ITGBL1: variants seen among roughly 807,000 people sequenced by gnomAD.
ITGBL1 encodes the protein integrin beta-like protein 1.
Under a neutral mutation model 68.5 loss-of-function variants are expected in ITGBL1, and 51 were observed. The observed-to-expected ratio is 0.74, with a 90% CI of 0.59 to 0.94. ITGBL1 has a LOEUF of 0.94. ITGBL1 is among the 40% of genes least tolerant of loss of function. ITGBL1 has a pLI of 0.00. For synonymous variants in ITGBL1, 209 were observed against 227.3 expected, an observed-to-expected ratio of 0.92 and a Z score of 0.72; for missense variants, 649 against 647.4, an observed-to-expected ratio of 1.00 and a Z score of -0.03.
intron 6 of ITGBL1, among the ~76,000 whole-genome samples, chr13:101,593,012 A>C (rs193029051): frequency 5.2e-4 from 79 of 152,254 alleles, no homozygotes; most frequent in Admixed American, 1.6e-3. Context: ...GTTGCAAACT[A>C]TATATCTGAC....
intron 7 of ITGBL1, among the ~76,000 whole-genome samples, chr13:101,631,589 G>A (rs1365389958): frequency 6.6e-6 from 1 of 152,124 alleles, no homozygotes; most frequent in Non-Finnish European, 1.5e-5. Flanking sequence ...ACTAAAAGAT[G>A]TCAAATGAGC....
chr13:101,628,796 T>G (rs966856796), intron 7 of ITGBL1, among the ~76,000 whole-genome samples: 14 of 151,844 alleles, frequency 9.2e-5, no homozygotes, highest in African/African-American at 2.9e-4. Flanking sequence ...ATATCTCTAT[T>G]TTTCATAAAT....
At chr13:101,588,066 A>C (rs1199593439) in intron 6 of ITGBL1, among the ~76,000 whole-genome samples, 1 of 152,230 alleles carries the variant, frequency 6.6e-6, no homozygotes, top group Admixed American at 6.5e-5. Context: ...TGGAGTTTGG[A>C]TAGCATAACT....
chr13:101,543,916 G>A (rs1006490842), intron 2 of ITGBL1, among the ~76,000 whole-genome samples: 1 of 152,142 alleles, frequency 6.6e-6, no homozygotes, highest in African/African-American at 2.4e-5. Flanking sequence ...GGTCCTTTAA[G>A]GACTTCTCTG....
At chr13:101,719,400 C>T (rs2139638452), downstream of ITGBL1, 1 of 151,810 alleles carries the variant, frequency 6.6e-6, no homozygotes, top group Admixed American at 6.6e-5. Context: ...CACTGCTACC[C>T]AAAAACATTC....
At chr13:101,503,636 G>A (rs1047813676) in intron 2 of ITGBL1, among the ~76,000 whole-genome samples, 25 of 152,208 alleles carry the variant, frequency 1.6e-4, no homozygotes, top group South Asian at 8.3e-4. Context: ...TACACCCTGA[G>A]TTTCCCGAAA....
intron 2 of ITGBL1, among the ~76,000 whole-genome samples, chr13:101,497,527 G>A (rs2048874117): frequency 6.6e-6 from 1 of 152,198 alleles, no homozygotes; most frequent in Admixed American, 6.5e-5. Flanking sequence ...GTAAACCATG[G>A]AGGCAGAGTC....
intron 2 of ITGBL1, among the ~76,000 whole-genome samples, chr13:101,472,549 T>C (rs2048476980): frequency 6.6e-6 from 1 of 152,202 alleles, no homozygotes; most frequent in Admixed American, 6.5e-5. Flanking sequence ...TTCAGATTTC[T>C]GTTTTGGGGG....
intron 7 of ITGBL1, among the ~76,000 whole-genome samples, chr13:101,615,861 C>T (rs1264103382): frequency 6.6e-6 from 1 of 152,078 alleles, no homozygotes; most frequent in Non-Finnish European, 1.5e-5. Flanking sequence ...GACAATTCCA[C>T]CATGTGAGGA....
At chr13:101,622,896 ATG>A (rs1390818712) in intron 7 of ITGBL1, among the ~76,000 whole-genome samples, 5 of 139,360 alleles carry the variant, frequency 3.6e-5, no homozygotes, top group African/African-American at 1.4e-4. Flanking sequence ...TGAGGCTGGG[ATG>A]TGTGTGTGGG....
chr13:101,605,062 ATATGTG>A (rs1166521837), intron 7 of ITGBL1, among the ~76,000 whole-genome samples: 6 of 144,676 alleles, frequency 4.1e-5, no homozygotes, highest in African/African-American at 1.5e-4. Context: ...GTATATGTGT[ATATGTG>A]TATATACATA....
At chr13:101,690,549 T>G (rs746664625) in intron 7 of ITGBL1, among the ~76,000 whole-genome samples, 3 of 152,190 alleles carry the variant, frequency 2.0e-5, no homozygotes, top group Non-Finnish European at 4.4e-5. Context: ...CAGACCACAC[T>G]GCTGATGGTA....
At chr13:101,642,518 G>T (rs1260799807) in intron 7 of ITGBL1, among the ~76,000 whole-genome samples, 7 of 152,198 alleles carry the variant, frequency 4.6e-5, no homozygotes, top group Non-Finnish European at 8.8e-5. Context: ...TAGGTTGCCT[G>T]TTCACTCTGA....
chr13:101,606,108 CTCTCTATA>C (rs2139354869), intron 7 of ITGBL1, among the ~76,000 whole-genome samples: 1 of 131,976 alleles, frequency 7.6e-6, no homozygotes, highest in East Asian at 2.9e-4. Flanking sequence ...TGCTCTCTCT[CTCTCTATA>C]TATATATATA....
intron 2 of ITGBL1, among the ~76,000 whole-genome samples, chr13:101,564,961 A>G (rs1280186659): frequency 1.3e-5 from 2 of 152,064 alleles, no homozygotes; most frequent in South Asian, 4.1e-4. Flanking sequence ...ACACTGCCAC[A>G]AGCCAAGAAA....
intron 2 of ITGBL1, among the ~76,000 whole-genome samples, chr13:101,518,712 A>T (rs1415295820): frequency 2.0e-5 from 3 of 152,214 alleles, no homozygotes; most frequent in Non-Finnish European, 4.4e-5. Flanking sequence ...ACAAAGTCTA[A>T]TTCAAATATA....
chr13:101,604,891 C>T (rs867227529), intron 7 of ITGBL1, among the ~76,000 whole-genome samples: 1 of 73,422 alleles, frequency 1.4e-5, no homozygotes, highest in African/African-American at 4.7e-5. Context: ...TATATATACA[C>T]ACACACACAC....
chr13:101,536,497 G>C (rs560833191), intron 2 of ITGBL1, among the ~76,000 whole-genome samples: 1 of 152,000 alleles, frequency 6.6e-6, no homozygotes, highest in Non-Finnish European at 1.5e-5. Flanking sequence ...AAGCTGAGTA[G>C]TATTGTAGAA....
intron 7 of ITGBL1, among the ~76,000 whole-genome samples, chr13:101,671,426 G>GTTTTTTTTTGTTT (rs2033358219): frequency 2.7e-5 from 3 of 112,640 alleles, no homozygotes; most frequent in Non-Finnish European, 5.4e-5. Flanking sequence ...GTATACCTTT[G>GTTTTTTTTTGTTT]TTTTTTTTTT....
Sources: gnomAD v4.1 joint callset for allele counts (sites outside exome capture counted in the v4.1 genomes callset) on GRCh38, gnomAD v4.1.1 for gene constraint, MANE v1.5 for transcripts, NCBI Gene and HGNC (gene_info 2026-07-23, HGNC 2026-07-21) for gene names.